CNTNAP2: variants seen among roughly 807,000 people sequenced by gnomAD.
CNTNAP2 encodes contactin associated protein 2, also known as contactin-associated protein-like 2.
A neutral mutation model predicts 155.2 loss-of-function variants in CNTNAP2; 98 were observed. That is an observed-to-expected ratio of 0.63 (90% CI 0.54 to 0.75). The LOEUF (loss-of-function observed/expected upper bound fraction) is 0.75. Among genes scored for constraint, CNTNAP2 ranks in the 30% least tolerant of loss-of-function variants. The pLI, the probability that CNTNAP2 is intolerant of heterozygous loss-of-function variation, is 0.00. For synonymous variants in CNTNAP2, 651 were observed against 631.2 expected, an observed-to-expected ratio of 1.03 and a Z score of -0.47; for missense variants, 1,727 against 1,688.1, an observed-to-expected ratio of 1.02 and a Z score of -0.40.
chr7:147,335,919 A>T (rs1432967108), intron 9 of CNTNAP2, among the ~76,000 whole-genome samples: 1 of 152,190 alleles, frequency 6.6e-6, no homozygotes, highest in Non-Finnish European at 1.5e-5. Context: ...CTAATCAGAA[A>T]GGAAGGAAAT....
chr7:148,064,160 A>T (rs1426974837), intron 15 of CNTNAP2, among the ~76,000 whole-genome samples: 1 of 152,002 alleles, frequency 6.6e-6, no homozygotes, highest in Non-Finnish European at 1.5e-5. Context: ...AAGTCACGTA[A>T]TGTAATGCCT....
chr7:146,126,100 A>T (rs944284650), intron 1 of CNTNAP2, among the ~76,000 whole-genome samples: 2 of 152,200 alleles, frequency 1.3e-5, no homozygotes, highest in African/African-American at 4.8e-5. Flanking sequence ...CACATGGAGA[A>T]GTAACTTCCC....
rs76096669 is a variant in CNTNAP2, at chr7:147,862,185, G to A, written c.2099-41380G>A. ...CTGTCCATCATCAAAAAAGATAATA[G>A]CCCGACAAACCATGGGTTATAAAAT... On this transcript the variant is annotated intron_variant, in intron 13 of 23. Transcript: ENST00000361727. Among the ~76,000 whole-genome samples the A allele has an allele frequency of 1.0e-3, 156 of 152,048 alleles. 1 individual carries two copies. The East Asian group carries it at 0.025, about 25-fold the overall frequency.
intron 3 of CNTNAP2, among the ~76,000 whole-genome samples, chr7:146,914,278 T>A (rs1796349364): frequency 6.6e-6 from 1 of 152,058 alleles, no homozygotes; most frequent in Non-Finnish European, 1.5e-5. Flanking sequence ...ATCTTTTTTG[T>A]ATAGTGATTT....
At chr7:146,739,513 T>G (rs1298210341) in intron 1 of CNTNAP2, among the ~76,000 whole-genome samples, 3 of 152,068 alleles carry the variant, frequency 2.0e-5, no homozygotes, top group Admixed American at 6.5e-5. Context: ...ATTATTATAG[T>G]CATAAAAGAT....
chr7:147,911,419 G>C (rs1334859388), intron 14 of CNTNAP2, among the ~76,000 whole-genome samples: 2 of 152,184 alleles, frequency 1.3e-5, no homozygotes, highest in African/African-American at 4.8e-5. Flanking sequence ...TCCATAAGGA[G>C]GGGTAATGGT....
intron 11 of CNTNAP2, among the ~76,000 whole-genome samples, chr7:147,490,370 C>T (rs890886557): frequency 2.3e-4 from 35 of 152,094 alleles, no homozygotes; most frequent in Non-Finnish European, 1.0e-4. Flanking sequence ...TTGTACATTC[C>T]GTATGCTGGA....
At chr7:147,954,674 A>G (rs980503761) in intron 14 of CNTNAP2, among the ~76,000 whole-genome samples, 2 of 152,212 alleles carry the variant, frequency 1.3e-5, no homozygotes, top group African/African-American at 4.8e-5. Context: ...TATAATTTTT[A>G]GATGACAATT....
chr7:146,682,158 TG>T (rs1800515787), intron 1 of CNTNAP2, among the ~76,000 whole-genome samples: 1 of 152,136 alleles, frequency 6.6e-6, no homozygotes, highest in South Asian at 2.1e-4. Context: ...ATAAATTCTT[TG>T]TATCAAAATT....
At chr7:148,178,701 C>T (rs187793063) in intron 18 of CNTNAP2, among the ~76,000 whole-genome samples, 1 of 152,296 alleles carries the variant, frequency 6.6e-6, no homozygotes, top group African/African-American at 2.4e-5. Context: ...TTCAGGAATA[C>T]ATAGTAACTA....
chr7:146,601,667 A>T (rs1798951684), intron 1 of CNTNAP2, among the ~76,000 whole-genome samples: 1 of 152,140 alleles, frequency 6.6e-6, no homozygotes, highest in Admixed American at 6.5e-5. Context: ...ATTATGTTGA[A>T]GAAAAACAAC....
At chr7:148,336,640 C>T (rs1798121174) in intron 21 of CNTNAP2, among the ~76,000 whole-genome samples, 1 of 152,122 alleles carries the variant, frequency 6.6e-6, no homozygotes, top group Non-Finnish European at 1.5e-5. Context: ...GATCTAGTTT[C>T]CCTCTGTCCC....
chr7:148,165,965 C>T (rs1805649279), intron 17 of CNTNAP2, among the ~76,000 whole-genome samples: 2 of 152,114 alleles, frequency 1.3e-5, no homozygotes, highest in Admixed American at 6.6e-5. Flanking sequence ...TCCAACAGGC[C>T]TCCCCTACTT....
chr7:147,758,108 G>A (rs1797243341), intron 13 of CNTNAP2, among the ~76,000 whole-genome samples: 2 of 152,068 alleles, frequency 1.3e-5, no homozygotes, highest in Non-Finnish European at 2.9e-5. Context: ...CGGAAAAGAA[G>A]CAAAATTCTT....
At chr7:146,474,158 A>C (rs905120530) in intron 1 of CNTNAP2, among the ~76,000 whole-genome samples, 4 of 152,016 alleles carry the variant, frequency 2.6e-5, no homozygotes, top group African/African-American at 9.7e-5. Context: ...AATGTATTTC[A>C]ATATATTTCA....
chr7:146,185,524 A>G (rs1180346533), intron 1 of CNTNAP2, among the ~76,000 whole-genome samples: 5 of 152,178 alleles, frequency 3.3e-5, no homozygotes, highest in African/African-American at 1.2e-4. Flanking sequence ...AACTCTCTGT[A>G]AATTTTAATG....
intron 10 of CNTNAP2, among the ~76,000 whole-genome samples, chr7:147,436,146 G>T (rs1797544590): frequency 6.6e-6 from 1 of 152,118 alleles, no homozygotes; most frequent in Non-Finnish European, 1.5e-5. Context: ...GCTACTAGAA[G>T]AATAAAGAGG....
chr7:148,255,914 C>T lies in CNTNAP2; in HGVS notation c.3382-11119C>T, dbSNP rs1313970356. 2.0e-5 allele frequency among the ~76,000 whole-genome samples: 3 copies of T among 152,268 alleles called. No homozygotes were observed. In the East Asian group the frequency reaches 5.8e-4, roughly 29 times the overall value. On this transcript the variant is annotated intron_variant, in intron 20 of 23. Transcript: ENST00000361727. ...CAAGGCTGATGCTACCACTTCCAGT[C>T]CAGGAATCTGAGACGATCACTACCT...
chr7:148,053,432 T>A (rs1440208213), intron 15 of CNTNAP2, among the ~76,000 whole-genome samples: 1 of 152,180 alleles, frequency 6.6e-6, no homozygotes, highest in Non-Finnish European at 1.5e-5. Flanking sequence ...ATTCTAGAAA[T>A]TAATGTTTTA....
Sources: allele counts gnomAD v4.1 joint callset (sites outside exome capture counted in the v4.1 genomes callset), GRCh38; gene constraint gnomAD v4.1.1; transcripts MANE v1.5; gene names NCBI Gene and HGNC (gene_info 2026-07-23, HGNC 2026-07-21).